Variants in BCAR3 observed in about 807,000 individuals in gnomAD.
BCAR3 encodes breast cancer anti-estrogen resistance protein 3.
BCAR3 carries 37 observed loss-of-function variants against 80.1 expected under a neutral mutation model. The observed-to-expected ratio is 0.46, with a 90% CI of 0.36 to 0.61. The LOEUF is 0.61. Ranked by LOEUF, BCAR3 falls within the 20% of genes least tolerant of loss-of-function variation. The pLI is 0.00. For synonymous variants in BCAR3, 389 were observed against 418.9 expected (o/e 0.93, Z 0.87); for missense variants, 978 against 1,068.2 (o/e 0.92, Z 1.18).
At chr1:93,673,028 C>G (rs1426917146) in intron 2 of BCAR3, among the ~76,000 whole-genome samples, 2 of 152,156 alleles carry the variant, frequency 1.3e-5, no homozygotes, top group Non-Finnish European at 2.9e-5. Flanking sequence ...ACTTGACTTC[C>G]CCATGCCTGC....
chr1:93,800,475 C>G (rs1653438444), intron 2 of BCAR3, among the ~76,000 whole-genome samples: 1 of 152,030 alleles, frequency 6.6e-6, no homozygotes, highest in African/African-American at 2.4e-5. Flanking sequence ...AGTTTGGAGG[C>G]TGAGGGAGGA....
At chr1:93,575,486 C>T (rs932394051) in intron 8 of BCAR3, among the ~76,000 whole-genome samples, 28 of 152,274 alleles carry the variant, frequency 1.8e-4, no homozygotes, top group Admixed American at 1.6e-3. Flanking sequence ...AGGGATGCCT[C>T]GGAGGCCCCG....
chr1:93,844,637 T>G (rs946393183), intron 2 of BCAR3, among the ~76,000 whole-genome samples: 2 of 152,154 alleles, frequency 1.3e-5, no homozygotes, highest in Admixed American at 1.3e-4. Flanking sequence ...TTGCTACCTA[T>G]AAACTGCTTA....
intron 2 of BCAR3, among the ~76,000 whole-genome samples, chr1:93,834,212 C>G (rs534640684): frequency 1.3e-5 from 2 of 152,256 alleles, no homozygotes; most frequent in Non-Finnish European, 2.9e-5. Context: ...AGCCTGTAAA[C>G]TCTCCTTACA....
intron 2 of BCAR3, among the ~76,000 whole-genome samples, chr1:93,833,982 C>T (rs907014977): frequency 5.3e-5 from 8 of 152,098 alleles, no homozygotes; most frequent in South Asian, 2.1e-4. Context: ...TAAAGACAGG[C>T]GTAAGAAATT....
In BCAR3 at chr1:93,695,680, T is replaced by A. The variant is rs374954439; in HGVS notation, c.-12+10412A>T. 5.0e-4 allele frequency among the ~76,000 whole-genome samples: 76 copies of A among 152,294 alleles called. 3 individuals are homozygous for A. In the South Asian group the frequency reaches 0.016, roughly 32 times the overall value. ...TTCCTTTCACTGAAGGCTCTGTAAT[T>A]CTCTGCAGTCAGGCCTGCCTCAGCC... On this transcript the variant is annotated intron_variant, in intron 3 of 13. Transcript: ENST00000370244.
chr1:93,844,078 G>A (rs1051970811), intron 2 of BCAR3, among the ~76,000 whole-genome samples: 1 of 152,204 alleles, frequency 6.6e-6, no homozygotes, highest in Middle Eastern at 3.2e-3. Flanking sequence ...GGAGGCCGAA[G>A]CAGGCAGGTC....
intron 3 of BCAR3, among the ~76,000 whole-genome samples, chr1:93,705,337 C>T (rs1649796430): frequency 6.6e-6 from 1 of 152,118 alleles, no homozygotes; most frequent in Non-Finnish European, 1.5e-5. Flanking sequence ...GTTCCGGGCT[C>T]CCTTGTAAAT....
chr1:93,758,223 G>C (rs1651811569), intron 2 of BCAR3, among the ~76,000 whole-genome samples: 1 of 152,216 alleles, frequency 6.6e-6, no homozygotes, highest in Non-Finnish European at 1.5e-5. Flanking sequence ...ACCTGTCAGA[G>C]ACCAGAGAAA....
At chr1:93,642,223 G>C in intron 3 of BCAR3, 81 bp downstream of exon 3, 1 of 1,461,870 alleles carries the variant, frequency 6.8e-7, no homozygotes, top group Non-Finnish European at 9.6e-7. Flanking sequence ...CCAGGCTGCA[G>C]CATTATTTAG....
intron 2 of BCAR3, among the ~76,000 whole-genome samples, chr1:93,716,329 T>C (rs1203746831): frequency 2.0e-5 from 3 of 152,220 alleles, no homozygotes; most frequent in African/African-American, 4.8e-5. Flanking sequence ...TAGCATACAG[T>C]TGATGTCACA....
rs538405700 is a variant in BCAR3, at chr1:93,744,520, A to G, written c.-62-38378T>C. ...CACCAATCTGTATTGTATGATGAAG[A>G]GGCTGGCCCTTCTGCATACACAGGA... On this transcript the variant is annotated intron_variant, in intron 2 of 13. Transcript: ENST00000370244. Among the ~76,000 whole-genome samples, 8 of 152,312 alleles carry G rather than the reference A, an allele frequency of 5.3e-5. No homozygotes were observed. In the East Asian group the frequency reaches 1.5e-3, roughly 29 times the overall value.
intron 1 of BCAR3, among the ~76,000 whole-genome samples, chr1:93,846,174 A>G (rs538734316): frequency 1.3e-5 from 2 of 152,276 alleles, no homozygotes; most frequent in South Asian, 2.1e-4. Flanking sequence ...TCCCTACCAC[A>G]CTGGACTCTT....
At chr1:93,839,628 T>TA (rs1389993894) in intron 2 of BCAR3, among the ~76,000 whole-genome samples, 2 of 152,190 alleles carry the variant, frequency 1.3e-5, no homozygotes, top group Non-Finnish European at 2.9e-5. Context: ...TACATTCTGT[T>TA]AGACACCATT....
chr1:93,617,696 C>T (rs1450981027), intron 3 of BCAR3, among the ~76,000 whole-genome samples: 1 of 152,238 alleles, frequency 6.6e-6, no homozygotes, highest in African/African-American at 2.4e-5. Flanking sequence ...TCTTGCTGAA[C>T]AAAGACAGCT....
chr1:93,674,402 C>T (rs567701054), intron 2 of BCAR3, among the ~76,000 whole-genome samples: 1 of 152,260 alleles, frequency 6.6e-6, no homozygotes, highest in East Asian at 1.9e-4. Flanking sequence ...ATTACAGGCA[C>T]ATGCCACCAT....
intron 2 of BCAR3, among the ~76,000 whole-genome samples, chr1:93,643,842 C>T (rs367728916): frequency 6.6e-6 from 1 of 152,228 alleles, no homozygotes; most frequent in East Asian, 1.9e-4. Flanking sequence ...TGTTAATTTG[C>T]TTCAACTTTA....
chr1:93,755,513 G>A (rs945491121), intron 2 of BCAR3, among the ~76,000 whole-genome samples: 2 of 152,140 alleles, frequency 1.3e-5, no homozygotes, highest in African/African-American at 4.8e-5. Context: ...CAAATACTTA[G>A]CATTCTGATG....
chr1:93,640,850 C>G (rs1675954183), intron 3 of BCAR3, among the ~76,000 whole-genome samples: 1 of 152,218 alleles, frequency 6.6e-6, no homozygotes, highest in African/African-American at 2.4e-5. Context: ...CTGAGCACAG[C>G]CAGACTGGCC....
Sources: gnomAD v4.1 joint callset for allele counts (sites outside exome capture counted in the v4.1 genomes callset) on GRCh38, gnomAD v4.1.1 for gene constraint, MANE v1.5 for transcripts, NCBI Gene and HGNC (gene_info 2026-07-23, HGNC 2026-07-21) for gene names.